Variants in RBFOX1 observed in about 807,000 individuals in gnomAD.
RBFOX1 encodes RNA binding protein fox-1 homolog 1.
In RBFOX1, 8 loss-of-function variants were observed where a neutral mutation model predicts 57.7. The observed-to-expected ratio is 0.14, with a 90% CI of 0.08 to 0.25. The LOEUF is 0.25. Ranked by LOEUF, RBFOX1 falls within the 10% of genes least tolerant of loss-of-function variation. The pLI, the probability that RBFOX1 is intolerant of heterozygous loss-of-function variation, is 1.00. For synonymous variants in RBFOX1, 326 were observed against 222.4 expected, an observed-to-expected ratio of 1.47 and a Z score of -4.15; for missense variants, 611 against 548.5, an observed-to-expected ratio of 1.11 and a Z score of -1.14.
chr16:6,308,937 G>A (rs1274690158), intron 1 of RBFOX1, among the ~76,000 whole-genome samples: 1 of 151,934 alleles, frequency 6.6e-6, no homozygotes, highest in African/African-American at 2.4e-5. Context: ...TGCCTTGTCC[G>A]AGCCTGGCCA....
chr16:7,608,059 C>CT (rs1272695464), intron 10 of RBFOX1, among the ~76,000 whole-genome samples: 1 of 152,208 alleles, frequency 6.6e-6, no homozygotes, highest in African/African-American at 2.4e-5. Context: ...TCTCCTTGCT[C>CT]TTGAACAAGG....
chr16:6,327,823 C>T (rs946191534), intron 2 of RBFOX1, among the ~76,000 whole-genome samples: 2 of 152,132 alleles, frequency 1.3e-5, no homozygotes, highest in African/African-American at 2.4e-5. Context: ...TATTTCTTGA[C>T]AAAGGTTAGG....
At chr16:6,502,557 G>T (rs2095968446) in intron 2 of RBFOX1, among the ~76,000 whole-genome samples, 1 of 152,156 alleles carries the variant, frequency 6.6e-6, no homozygotes, top group South Asian at 2.1e-4. Context: ...CTAACACATA[G>T]GAGATTTTAG....
chr16:6,200,028 G>T (rs534906451), intron 1 of RBFOX1, among the ~76,000 whole-genome samples: 48 of 152,260 alleles, frequency 3.2e-4, no homozygotes, highest in Middle Eastern at 3.4e-3. Context: ...GCCAGGCCTA[G>T]AGATGGCACC....
At chr16:6,463,497 G>C (rs2094966945) in intron 2 of RBFOX1, among the ~76,000 whole-genome samples, 1 of 152,144 alleles carries the variant, frequency 6.6e-6, no homozygotes, top group Non-Finnish European at 1.5e-5. Flanking sequence ...TTTTTGAACT[G>C]ATGAACTAGT....
At chr16:6,845,792 G>T (rs769261401) in intron 3 of RBFOX1, among the ~76,000 whole-genome samples, 3 of 152,076 alleles carry the variant, frequency 2.0e-5, no homozygotes, top group South Asian at 2.1e-4. Flanking sequence ...AACAAGTAAG[G>T]CTCTTTCATA....
chr16:5,676,477 A>G (rs1332506316), intron 3 of RBFOX1, among the ~76,000 whole-genome samples: 2 of 152,158 alleles, frequency 1.3e-5, no homozygotes, highest in African/African-American at 2.4e-5. Flanking sequence ...TGAGCAAGTC[A>G]CTCAACCTCT....
At chr16:5,810,332 TAAAA>T (rs1308090427) in intron 3 of RBFOX1, among the ~76,000 whole-genome samples, 1 of 151,890 alleles carries the variant, frequency 6.6e-6, no homozygotes, top group Non-Finnish European at 1.5e-5. Flanking sequence ...TAATAATAAT[TAAAA>T]AAAGATATAA....
chr16:5,927,485 T>A (rs890810676), intron 4 of RBFOX1, among the ~76,000 whole-genome samples: 1 of 152,224 alleles, frequency 6.6e-6, no homozygotes. Flanking sequence ...AGAACGCTTG[T>A]ACACTGCTAG....
At chr16:6,617,679 C>T (rs1297456625) in intron 2 of RBFOX1, among the ~76,000 whole-genome samples, 2 of 152,038 alleles carry the variant, frequency 1.3e-5, no homozygotes, top group Non-Finnish European at 2.9e-5. Context: ...TCTCAGGGAG[C>T]CTGCAGTCTT....
chr16:6,846,110 C>G (rs1317848393), intron 3 of RBFOX1, among the ~76,000 whole-genome samples: 1 of 152,156 alleles, frequency 6.6e-6, no homozygotes, highest in Non-Finnish European at 1.5e-5. Flanking sequence ...TAGGTATAGT[C>G]TTTGTTTTTC....
At chr16:6,924,718 A>C (rs2075202660) in intron 3 of RBFOX1, among the ~76,000 whole-genome samples, 1 of 151,444 alleles carries the variant, frequency 6.6e-6, no homozygotes, top group Admixed American at 6.6e-5. Context: ...TTTAGGGTAC[A>C]TGTGCACAAC....
intron 1 of RBFOX1, chr16:6,037,739 T>G (rs954692279): frequency 6.6e-6 from 1 of 151,698 alleles, no homozygotes; most frequent in Non-Finnish European, 1.5e-5. Context: ...GGACTACAGG[T>G]GCCCGCCACC....
intron 2 of RBFOX1, among the ~76,000 whole-genome samples, chr16:6,332,478 G>T (rs113618170): frequency 6.6e-6 from 1 of 152,202 alleles, no homozygotes; most frequent in African/African-American, 2.4e-5. Context: ...ATTAGGGATG[G>T]CAGGAATAAT....
At chr16:6,586,418 C>T (rs1349814761) in intron 2 of RBFOX1, among the ~76,000 whole-genome samples, 1 of 152,156 alleles carries the variant, frequency 6.6e-6, no homozygotes, top group East Asian at 1.9e-4. Context: ...GTGCATCATC[C>T]ATTTGTGACT....
chr16:5,833,013 C>G (rs906035415), intron 3 of RBFOX1, among the ~76,000 whole-genome samples: 1 of 152,098 alleles, frequency 6.6e-6, no homozygotes, highest in African/African-American at 2.4e-5. Context: ...AGCCACCAAC[C>G]CCCCAAAATG....
chr16:6,896,049 G>A (rs1201796263), intron 3 of RBFOX1, among the ~76,000 whole-genome samples: 1 of 152,154 alleles, frequency 6.6e-6, no homozygotes, highest in African/African-American at 2.4e-5. Flanking sequence ...GAGGTGGGCA[G>A]ATCATCTGAG....
chr16:5,499,428 A>C (rs6500691), intron 2 of RBFOX1, among the ~76,000 whole-genome samples: 1 of 152,170 alleles, frequency 6.6e-6, no homozygotes, highest in South Asian at 2.1e-4. Context: ...GTTCCAGTGT[A>C]AACATCAACT....
chr16:6,973,739 C>G, intron 3 of RBFOX1, among the ~76,000 whole-genome samples: 1 of 152,246 alleles, frequency 6.6e-6, no homozygotes, highest in Non-Finnish European at 1.5e-5. Flanking sequence ...TTTTGGCGAG[C>G]ATAACTGCAC....
Sources: allele counts gnomAD v4.1 joint callset (sites outside exome capture counted in the v4.1 genomes callset), GRCh38; gene constraint gnomAD v4.1.1; transcripts MANE v1.5; gene names NCBI Gene and HGNC (gene_info 2026-07-23, HGNC 2026-07-21).